The following MGAT4C variants were observed in gnomAD, a reference collection of about 807,000 sequenced individuals.
The protein encoded by MGAT4C is alpha-1,3-mannosyl-glycoprotein 4-beta-N-acetylglucosaminyltransferase C.
MGAT4C carries 19 observed loss-of-function variants against 40.1 expected under a neutral mutation model. The observed-to-expected ratio is 0.47, with a 90% CI of 0.33 to 0.70. The LOEUF is 0.70. MGAT4C is among the 30% of genes least tolerant of loss of function. The pLI, the probability that MGAT4C is intolerant of heterozygous loss-of-function variation, is 0.02. For missense variants in MGAT4C, 491 were observed against 563.2 expected, an observed-to-expected ratio of 0.87 and a Z score of 1.30; for synonymous variants, 181 against 187.1, an observed-to-expected ratio of 0.97 and a Z score of 0.27.
chr12:86,451,135 C>A (rs1424063382), intron 2 of MGAT4C, among the ~76,000 whole-genome samples: 1 of 152,064 alleles, frequency 6.6e-6, no homozygotes, highest in Non-Finnish European at 1.5e-5. Flanking sequence ...GGGTGGATTT[C>A]TCACAAATGG....
At chr12:86,081,072 G>C (rs1168384770) in intron 1 of MGAT4C, among the ~76,000 whole-genome samples, 2 of 152,054 alleles carry the variant, frequency 1.3e-5, no homozygotes, top group Non-Finnish European at 2.9e-5. Context: ...TGTGATCCAA[G>C]GGGAAATAAC....
At chr12:86,224,127 G>A (rs1215205893) in intron 1 of MGAT4C, among the ~76,000 whole-genome samples, 2 of 152,120 alleles carry the variant, frequency 1.3e-5, no homozygotes, top group African/African-American at 2.4e-5. Context: ...AGACAGGTAC[G>A]CTCATCCCAC....
intron 1 of MGAT4C, among the ~76,000 whole-genome samples, chr12:86,754,731 T>C (rs746470016): frequency 1.3e-5 from 2 of 152,130 alleles, no homozygotes; most frequent in African/African-American, 2.4e-5. Context: ...TATATCCATC[T>C]CTGTTTTAGG....
rs368092340 is a variant in MGAT4C, at chr12:86,191,842, C to A, written c.-57+64397G>T. Among the ~76,000 whole-genome samples, 11 of 143,764 alleles carry A rather than the reference C, an allele frequency of 7.7e-5. No homozygotes were observed. The East Asian group carries it at 2.4e-3, about 31-fold the overall frequency. 94.3% of individuals were successfully genotyped at this position (143,764 alleles called of 152,430 possible). ...CACAATAGCAATGACTTGGAACCAA[C>A]CCAAATGTCCATCAATGATAGATTG... On this transcript the variant is annotated intron_variant, in intron 1 of 4. Transcript: ENST00000611864.
intron 2 of MGAT4C, among the ~76,000 whole-genome samples, chr12:86,628,033 G>T (rs557365405): frequency 4.5e-4 from 68 of 152,308 alleles, no homozygotes; most frequent in Non-Finnish European, 5.4e-4. Context: ...AGAATAAACA[G>T]TGTAGAGAAG....
chr12:86,380,157 C>T (rs540028488), intron 3 of MGAT4C, among the ~76,000 whole-genome samples: 1 of 152,122 alleles, frequency 6.6e-6, no homozygotes, highest in African/African-American at 2.4e-5. Context: ...TAAATTGGTT[C>T]TGCTTAATAA....
intron 1 of MGAT4C, among the ~76,000 whole-genome samples, chr12:86,143,863 T>C (rs1163833448): frequency 2.0e-5 from 3 of 152,182 alleles, no homozygotes; most frequent in Non-Finnish European, 2.9e-5. Flanking sequence ...CAATAGAAAC[T>C]AACATGTTGA....
Position 85,966,531 on chromosome 12 carries a change from CAGCCATCCCATTACTGGGTATATACCCAA to C in MGAT4C, c.*12729_*12757del, listed in dbSNP as rs1408518635. Reference sequence around the variant, plus strand: ...GTTCTTTTAGAAATACCATTTGACCCAGCCATCCCATTACTGGGTATATACCCAAAGGATTATAAATCATGCTTCTATAA... The same window carrying C: ...GTTCTTTTAGAAATACCATTTGACCCAGGATTATAAATCATGCTTCTATAA... On this transcript the variant is annotated 3_prime_UTR_variant, in exon 5 of 5. Transcript: ENST00000611864. 2 of 152,096 alleles carry C rather than the reference CAGCCATCCCATTACTGGGTATATACCCAA, an allele frequency of 1.3e-5. No homozygotes were observed. Among genetic ancestry groups the C allele is most frequent in the Non-Finnish European group, 2.9e-5 (2 of 68,018 alleles). The allele number at this position is 152,096 out of a possible 1,614,324, so 9.4% of individuals were successfully genotyped here.
At chr12:86,555,197 T>C (rs999288304) in intron 2 of MGAT4C, among the ~76,000 whole-genome samples, 5 of 152,052 alleles carry the variant, frequency 3.3e-5, no homozygotes, top group South Asian at 2.1e-4. Flanking sequence ...GTATTTAAAG[T>C]AACATATTCA....
At chr12:86,578,444 G>T (rs991229768) in intron 2 of MGAT4C, among the ~76,000 whole-genome samples, 1 of 151,802 alleles carries the variant, frequency 6.6e-6, no homozygotes, top group Non-Finnish European at 1.5e-5. Context: ...AAGTAGGATT[G>T]GTAGTAGTTC....
At chr12:86,029,613 C>A (rs1463519208) in intron 2 of MGAT4C, among the ~76,000 whole-genome samples, 2 of 151,908 alleles carry the variant, frequency 1.3e-5, no homozygotes, top group Non-Finnish European at 2.9e-5. Flanking sequence ...TATTTCTTGA[C>A]CATTATAAAT....
intron 1 of MGAT4C, among the ~76,000 whole-genome samples, chr12:86,095,249 T>C (rs1873701262): frequency 6.6e-6 from 1 of 152,108 alleles, no homozygotes; most frequent in Admixed American, 6.6e-5. Flanking sequence ...AGGAGTTATC[T>C]TGAAAGAATG....
At chr12:86,242,351 T>C (rs908437120) in intron 1 of MGAT4C, among the ~76,000 whole-genome samples, 1 of 152,154 alleles carries the variant, frequency 6.6e-6, no homozygotes, top group African/African-American at 2.4e-5. Context: ...TTGGTAAACA[T>C]AGATACTGCC....
chr12:86,663,409 AAAAG>A (rs1964028333), intron 2 of MGAT4C, among the ~76,000 whole-genome samples: 1 of 151,776 alleles, frequency 6.6e-6, no homozygotes, highest in East Asian at 1.9e-4. Context: ...AAGAAAAAGT[AAAAG>A]AAAGAAAAGA....
intron 1 of MGAT4C, among the ~76,000 whole-genome samples, chr12:86,214,469 A>G (rs539343069): frequency 2.0e-4 from 31 of 152,294 alleles, no homozygotes; most frequent in African/African-American, 7.5e-4. Flanking sequence ...GTAGGCTACT[A>G]TAACAAAATG....
intron 1 of MGAT4C, among the ~76,000 whole-genome samples, chr12:86,075,121 C>T (rs1337182137): frequency 6.6e-6 from 1 of 152,174 alleles, no homozygotes; most frequent in African/African-American, 2.4e-5. Context: ...GTTGCTTCCA[C>T]CTATGAGCCT....
At chr12:86,540,543 C>T (rs1177003420) in intron 2 of MGAT4C, among the ~76,000 whole-genome samples, 2 of 152,122 alleles carry the variant, frequency 1.3e-5, no homozygotes, top group Admixed American at 1.3e-4. Context: ...TGAGACCAGC[C>T]TGGCCAATAT....
intron 2 of MGAT4C, among the ~76,000 whole-genome samples, chr12:86,675,354 G>A (rs1593103183): frequency 6.6e-6 from 1 of 152,262 alleles, no homozygotes; most frequent in East Asian, 1.9e-4. Flanking sequence ...CCTTCATCAT[G>A]AACATCCATT....
intron 1 of MGAT4C, among the ~76,000 whole-genome samples, chr12:86,233,593 T>C (rs968217011): frequency 4.6e-5 from 7 of 152,122 alleles, no homozygotes; most frequent in African/African-American, 1.2e-4. Context: ...AACTACAAAG[T>C]GGGGTGAATT....
Sources: allele counts gnomAD v4.1 joint callset (sites outside exome capture counted in the v4.1 genomes callset), GRCh38; gene constraint gnomAD v4.1.1; transcripts MANE v1.5; gene names NCBI Gene and HGNC (gene_info 2026-07-23, HGNC 2026-07-21).